The following PAX5 variants were observed in gnomAD, a reference collection of about 807,000 sequenced individuals.
The protein encoded by PAX5 is paired box 5, also known as paired box protein Pax-5.
A neutral mutation model predicts 43.7 loss-of-function variants in PAX5; 9 were observed. The observed-to-expected ratio is 0.21, with a 90% confidence interval of 0.12 to 0.36. The LOEUF is 0.36. PAX5 is among the 10% of genes least tolerant of loss of function. The pLI, the probability that PAX5 is intolerant of heterozygous loss-of-function variation, is 1.00. For synonymous variants in PAX5, 228 were observed against 214.3 expected, an observed-to-expected ratio of 1.06 and a Z score of -0.56; for missense variants, 383 against 532.7, an observed-to-expected ratio of 0.72 and a Z score of 2.77.
chr9:36,988,508 T>TA (rs1836649243), intron 5 of PAX5, among the ~76,000 whole-genome samples: 1 of 151,672 alleles, frequency 6.6e-6, no homozygotes, highest in Non-Finnish European at 1.5e-5. Context: ...AAAAAAATTT[T>TA]AAAAAATAGC....
intron 6 of PAX5, among the ~76,000 whole-genome samples, chr9:36,934,801 T>G (rs1295008144): frequency 1.3e-5 from 2 of 152,222 alleles, no homozygotes; most frequent in African/African-American, 2.4e-5. Flanking sequence ...AGCTAGAGTG[T>G]GAGCTTCATA....
rs552847787 is a variant in PAX5, at chr9:36,834,711, G to A, written c.*5849C>T. On this transcript the variant is annotated 3_prime_UTR_variant, in exon 10 of 10. Transcript: ENST00000358127. ...TGTTCCACTCCAAGGGAAATGCGCC[G>A]TTTGTAAATCAAAAATCCATCATCC... 2.1e-5 allele frequency: 5 copies of A among 233,110 alleles called. No individual in the cohort carries two copies. The highest frequency in any genetic ancestry group is 4.2e-5 in the Non-Finnish European group (5 of 118,046). 14.4% of individuals were successfully genotyped at this position (233,110 alleles called of 1,614,324 possible).
At position 36,839,733 on chromosome 9, in the gene PAX5, A is replaced by C; in HGVS notation, c.*827T>G. The C allele has an allele frequency of 4.3e-6, 1 of 233,412 alleles. No homozygotes were observed. Among genetic ancestry groups the C allele is most frequent in the Non-Finnish European group, 8.5e-6 (1 of 118,130 alleles). The allele number at this position is 233,412 out of a possible 1,614,324, so 14.5% of individuals were successfully genotyped here. On this transcript the variant is annotated 3_prime_UTR_variant, in exon 10 of 10. Transcript: ENST00000358127. ...CACATTCAAAGTCCACAATGTAATC[A>C]ATACCTCGGATGACATTCTGCTTCG...
At chr9:36,946,141 A>G (rs1832493111) in intron 6 of PAX5, among the ~76,000 whole-genome samples, 1 of 151,090 alleles carries the variant, frequency 6.6e-6, no homozygotes, top group Admixed American at 6.6e-5. Flanking sequence ...CTCTGTCAGG[A>G]TGCAGTGCTC....
At chr9:37,033,265 T>G (rs1468436643) in intron 1 of PAX5, among the ~76,000 whole-genome samples, 1 of 152,216 alleles carries the variant, frequency 6.6e-6, no homozygotes, top group African/African-American at 2.4e-5. Context: ...ACACTGGGCC[T>G]TACAATGCAC....
intron 7 of PAX5, among the ~76,000 whole-genome samples, chr9:36,886,480 G>C (rs1042823769): frequency 1.3e-5 from 2 of 152,126 alleles, no homozygotes; most frequent in Non-Finnish European, 2.9e-5. Context: ...GAGGACACAG[G>C]CAGTTTCACC....
chr9:36,975,369 T>C (rs536579035), intron 5 of PAX5, among the ~76,000 whole-genome samples: 33 of 152,106 alleles, frequency 2.2e-4, no homozygotes, highest in Admixed American at 1.9e-3. Context: ...CACAAGCCCA[T>C]GATATTTGAG....
chr9:37,025,827 C>A (rs1245391501), intron 1 of PAX5, among the ~76,000 whole-genome samples: 1 of 152,208 alleles, frequency 6.6e-6, no homozygotes, highest in Non-Finnish European at 1.5e-5. Flanking sequence ...CTCTTTCTTT[C>A]TTTCTTTTTC....
intron 9 of PAX5, among the ~76,000 whole-genome samples, chr9:36,845,106 C>T (rs1427695142): frequency 1.3e-5 from 2 of 152,238 alleles, no homozygotes; most frequent in Admixed American, 6.5e-5. Flanking sequence ...TGTGTGGCAG[C>T]CCTGGGCCAC....
At chr9:36,994,572 A>G (rs1252391926) in intron 5 of PAX5, among the ~76,000 whole-genome samples, 1 of 152,240 alleles carries the variant, frequency 6.6e-6, no homozygotes, top group Non-Finnish European at 1.5e-5. Context: ...CCACAGGCAG[A>G]GACTGAGCCA....
rs10973110 is a variant in PAX5, at chr9:36,863,885, C to T, written c.1013-16956G>A. 2.0e-3 allele frequency among the ~76,000 whole-genome samples: 299 copies of T among 152,286 alleles called. 6 individuals carry two copies. The East Asian group carries it at 0.047, about 24-fold the overall frequency. ...CAGTACTTTGGGAGGCTAAGGTGGGCGGATCAGGAGGTCAGGAGCTCAAGA... is the reference window on the plus strand; with the variant it reads ...CAGTACTTTGGGAGGCTAAGGTGGGTGGATCAGGAGGTCAGGAGCTCAAGA... On this transcript the variant is annotated intron_variant, in intron 8 of 9. Transcript: ENST00000358127.
intron 5 of PAX5, among the ~76,000 whole-genome samples, chr9:36,977,163 G>C (rs747397064): frequency 4.6e-5 from 7 of 152,132 alleles, no homozygotes; most frequent in African/African-American, 7.2e-5. Flanking sequence ...CTCACTCTGC[G>C]AGACACTGTT....
At chr9:36,929,561 G>T (rs1830959429) in intron 6 of PAX5, among the ~76,000 whole-genome samples, 1 of 152,152 alleles carries the variant, frequency 6.6e-6, no homozygotes, top group Non-Finnish European at 1.5e-5. Flanking sequence ...CTGAGCCCTT[G>T]GGGTTCTTTC....
chr9:37,027,605 T>TGCCGCCGCC (rs550059461), intron 1 of PAX5, among the ~76,000 whole-genome samples: 1,972 of 152,282 alleles, frequency 0.013, 49 homozygotes, highest in African/African-American at 0.044. Context: ...CTGCCTGCGT[T>TGCCGCCGCC]GCCGCCGCCG....
chr9:36,900,452 T>C (rs1828279551), intron 7 of PAX5, among the ~76,000 whole-genome samples: 1 of 152,326 alleles, frequency 6.6e-6, no homozygotes, highest in African/African-American at 2.4e-5. Flanking sequence ...CCTCCAAACC[T>C]GGTTCTGTGG....
Position 36,915,584 on chromosome 9 carries a change from G to A in PAX5, c.910+7771C>T, listed in dbSNP as rs1169970159. 2.0e-5 allele frequency among the ~76,000 whole-genome samples: 3 copies of A among 151,944 alleles called. No homozygotes were observed. In the East Asian group the frequency reaches 5.8e-4, roughly 29 times the overall value. On this transcript the variant is annotated intron_variant, in intron 7 of 9. Transcript: ENST00000358127. ...GATTTTTACTTATTCATTTTTAAAA[G>A]CTCTTTATATATTGAGGAAATTAGC... is the stretch of plus-strand genomic sequence containing the variant.
At chr9:36,935,732 G>T (rs1372970461) in intron 6 of PAX5, among the ~76,000 whole-genome samples, 1 of 152,252 alleles carries the variant, frequency 6.6e-6, no homozygotes, top group Non-Finnish European at 1.5e-5. Flanking sequence ...CCTGGCACTT[G>T]AAATCCACCA....
At chr9:36,860,469 G>A (rs1046885820) in intron 8 of PAX5, among the ~76,000 whole-genome samples, 2 of 152,094 alleles carry the variant, frequency 1.3e-5, no homozygotes, top group East Asian at 1.9e-4. Flanking sequence ...CCAAGGTGAC[G>A]CCAATGTACA....
chr9:36,891,262 A>G (rs1827353827), intron 7 of PAX5, among the ~76,000 whole-genome samples: 1 of 152,238 alleles, frequency 6.6e-6, no homozygotes, highest in African/African-American at 2.4e-5. Flanking sequence ...AACAATGCCA[A>G]AGACAATGAC....
Sources: gnomAD v4.1 joint callset for allele counts (sites outside exome capture counted in the v4.1 genomes callset) on GRCh38, gnomAD v4.1.1 for gene constraint, MANE v1.5 for transcripts, NCBI Gene and HGNC (gene_info 2026-07-23, HGNC 2026-07-21) for gene names.